LRP1B: variants seen among roughly 807,000 people sequenced by gnomAD.
LRP1B encodes low-density lipoprotein receptor-related protein 1B.
Under a neutral mutation model 556.6 loss-of-function variants are expected in LRP1B, and 217 were observed. The ratio of observed to expected loss-of-function variants is 0.39; its 90% CI spans 0.35 to 0.44. The LOEUF is 0.44. Among genes scored for constraint, LRP1B ranks in the 20% least tolerant of loss-of-function variants. LRP1B has a pLI of 1.00. For missense variants in LRP1B, 5,053 were observed against 5,620.8 expected (o/e 0.90, Z 3.23); for synonymous variants, 2,047 against 1,865.8 (o/e 1.10, Z -2.50).
intron 2 of LRP1B, among the ~76,000 whole-genome samples, chr2:141,590,457 G>A (rs1027424214): frequency 7.2e-5 from 11 of 152,048 alleles, no homozygotes; most frequent in Admixed American, 5.2e-4. Context: ...GCAGAGAGAC[G>A]GAAGACAAGT....
rs188441325 is a variant in LRP1B at position 141,236,550 on chromosome 2, T to C, written c.593-7110A>G. ...GATCTGTTTTCCAGCATGGTAACTA[T>C]AGTTAATGATAACATGTTGGATTAT... On this transcript the variant is annotated intron_variant, in intron 5 of 90. Coordinates refer to ENST00000389484, the MANE Select transcript of LRP1B (RefSeq NM_018557.3). Among the ~76,000 whole-genome samples, 306 of 152,314 alleles carry C rather than the reference T, an allele frequency of 2.0e-3. 3 individuals are homozygous for C. The highest frequency in any genetic ancestry group is 6.6e-3 in the African/African-American group (275 of 41,582).
chr2:141,031,301 AGAG>A (rs1298142288), intron 11 of LRP1B, among the ~76,000 whole-genome samples: 2 of 150,696 alleles, frequency 1.3e-5, no homozygotes, highest in East Asian at 3.9e-4. Context: ...ATATATATAA[AGAG>A]AGAGAGAGAG....
intron 10 of LRP1B, among the ~76,000 whole-genome samples, chr2:141,052,881 A>G (rs1258801757): frequency 6.6e-6 from 1 of 151,820 alleles, no homozygotes; most frequent in Non-Finnish European, 1.5e-5. Context: ...CAAGTGATCC[A>G]CCTGCCTCAG....
chr2:140,891,993 G>C (rs148131497), intron 23 of LRP1B, among the ~76,000 whole-genome samples: 12 of 152,162 alleles, frequency 7.9e-5, no homozygotes, highest in African/African-American at 2.9e-4. Flanking sequence ...GTGTGTGTGA[G>C]AGGCAGAGTG....
intron 7 of LRP1B, among the ~76,000 whole-genome samples, chr2:141,131,728 A>T (rs1363888035): frequency 1.3e-5 from 2 of 152,124 alleles, no homozygotes; most frequent in Admixed American, 1.3e-4. Context: ...AGGGAAATGC[A>T]AATTAAATCA....
At chr2:140,977,299 T>C (rs947488169) in intron 18 of LRP1B, among the ~76,000 whole-genome samples, 4 of 152,148 alleles carry the variant, frequency 2.6e-5, no homozygotes, top group African/African-American at 7.2e-5. Flanking sequence ...ACCACCCACC[T>C]AAGATATGAC....
At chr2:141,311,403 C>G (rs7597148) in intron 3 of LRP1B, among the ~76,000 whole-genome samples, 2,023 of 152,256 alleles carry the variant, frequency 0.013, 35 homozygotes, top group African/African-American at 0.039. Flanking sequence ...ACTGGGGAAA[C>G]TGGGTTCTTT....
chr2:140,947,346 C>G (rs1252123431), intron 20 of LRP1B, among the ~76,000 whole-genome samples: 1 of 152,052 alleles, frequency 6.6e-6, no homozygotes, highest in East Asian at 1.9e-4. Context: ...CTTTTGAAAA[C>G]AATTTGAGTT....
At chr2:141,388,423 G>A (rs1003960344) in intron 3 of LRP1B, among the ~76,000 whole-genome samples, 19 of 152,078 alleles carry the variant, frequency 1.2e-4, no homozygotes, top group East Asian at 7.7e-4. Context: ...GCGACAGTGC[G>A]AGACTTCTGT....
chr2:140,588,520 ATAAC>A (rs1483273818), intron 43 of LRP1B, among the ~76,000 whole-genome samples: 1 of 152,262 alleles, frequency 6.6e-6, no homozygotes, highest in African/African-American at 2.4e-5. Context: ...AGAAAATAAA[ATAAC>A]TAAAATAACT....
intron 2 of LRP1B, among the ~76,000 whole-genome samples, chr2:141,797,155 A>ATATAAC (rs1427666931): frequency 2.8e-5 from 2 of 70,800 alleles, no homozygotes; most frequent in African/African-American, 8.0e-5. Context: ...TCATATATAT[A>ATATAAC]TATATATATA....
rs1680678691 is a variant in LRP1B at position 140,329,477 on chromosome 2, T to G, written c.12224-3599A>C. Among the ~76,000 whole-genome samples, 3 of 151,970 alleles carry G rather than the reference T, an allele frequency of 2.0e-5. No homozygotes were observed. The South Asian group carries it at 6.2e-4, about 32-fold the overall frequency. ...AATGTCTCTGTTTGCAGATGACGTG[T>G]TCCTATATCTAGAAAACCCCGTCTT... On this transcript the variant is annotated intron_variant, in intron 79 of 90. Transcript: ENST00000389484.
chr2:141,353,680 A>G lies in LRP1B; in HGVS notation c.344-99039T>C, dbSNP rs113861463. ...AGTATAGAAGAAAAATTCCTTGGAC[A>G]TACAAGTTTTTGTTTAAGTCCTAGA... On this transcript the variant is annotated intron_variant, in intron 3 of 90. Transcript: ENST00000389484. 7.9e-3 allele frequency among the ~76,000 whole-genome samples: 1,201 copies of G among 152,056 alleles called. 8 individuals are homozygous for G. The highest frequency in any genetic ancestry group is 0.013 in the Non-Finnish European group (904 of 67,916).
intron 2 of LRP1B, among the ~76,000 whole-genome samples, chr2:141,787,606 G>GAA (rs199684326): frequency 1.3e-5 from 2 of 148,484 alleles, no homozygotes; most frequent in Non-Finnish European, 3.0e-5. Flanking sequence ...ACTACAAATA[G>GAA]AAAAAAAAAC....
Position 140,991,068 on chromosome 2 carries a change from G to A in LRP1B, c.2645-1411C>T, listed in dbSNP as rs60705281. On this transcript the variant is annotated intron_variant, in intron 16 of 90. Coordinates refer to ENST00000389484, the MANE Select transcript of LRP1B (RefSeq NM_018557.3). ...ACAAAACAAAACAAAAAAATAGGGAGAAAAGCTTTATATTCTCTGGTATTT... is the reference window on the plus strand; with the variant it reads ...ACAAAACAAAACAAAAAAATAGGGAAAAAAGCTTTATATTCTCTGGTATTT... Among the ~76,000 whole-genome samples, 1,115 of 152,154 alleles carry A rather than the reference G, an allele frequency of 7.3e-3. 10 individuals carry two copies. The highest frequency in any genetic ancestry group is 0.024 in the African/African-American group (992 of 41,546).
At chr2:141,473,377 T>A (rs1484544222) in intron 3 of LRP1B, among the ~76,000 whole-genome samples, 1 of 152,172 alleles carries the variant, frequency 6.6e-6, no homozygotes, top group Non-Finnish European at 1.5e-5. Context: ...GTGGTATAGG[T>A]CTTTCAAAAG....
intron 3 of LRP1B, among the ~76,000 whole-genome samples, chr2:141,275,945 T>G (rs1463399689): frequency 1.3e-5 from 2 of 152,036 alleles, no homozygotes; most frequent in Non-Finnish European, 2.9e-5. Context: ...TATATAAAAC[T>G]TTTATTTCAA....
At position 141,810,348 on chromosome 2, in the gene LRP1B, C is replaced by G. The variant is rs2105707542; in HGVS notation, c.136G>C (p.Val46Leu). 6.2e-7 allele frequency: 1 copy of G among 1,613,108 alleles called. No individual in the cohort carries two copies. Among genetic ancestry groups the G allele is most frequent in the Non-Finnish European group, 8.5e-7 (1 of 1,179,428 alleles). Residue 46 changes from valine (V) to leucine (L), a missense_variant, in exon 2 of 91, where the codon GTC becomes CTC. Transcript: ENST00000389484. ...CCATCACACAGCCAGCTCTGGGAGACACAAGTCACGTGATCGTGGCAAAGA... is the reference window on the plus strand; with the variant it reads ...CCATCACACAGCCAGCTCTGGGAGAGACAAGTCACGTGATCGTGGCAAAGA... ...EFLCHDHVTC[V>L]SQSWLCDGDP...
At chr2:140,550,910 C>T (rs1680524375) in intron 43 of LRP1B, among the ~76,000 whole-genome samples, 1 of 152,024 alleles carries the variant, frequency 6.6e-6, no homozygotes. Flanking sequence ...GGTAATTAGG[C>T]TTAGACAAAG....
Sources: gnomAD v4.1 joint callset for allele counts (sites outside exome capture counted in the v4.1 genomes callset) on GRCh38, gnomAD v4.1.1 for gene constraint, MANE v1.5 for transcripts, NCBI Gene and HGNC (gene_info 2026-07-23, HGNC 2026-07-21) for gene names.